The following NEK10 variants were observed in gnomAD, a reference collection of about 807,000 sequenced individuals.
NEK10 encodes the protein NIMA related kinase 10.
A neutral mutation model predicts 159.8 loss-of-function variants in NEK10; 122 were observed. The ratio of observed to expected loss-of-function variants is 0.76; its 90% confidence interval spans 0.66 to 0.89. The LOEUF (loss-of-function observed/expected upper bound fraction) is 0.89. Among genes scored for constraint, NEK10 ranks in the 40% least tolerant of loss-of-function variants. The pLI is 0.00. For synonymous variants in NEK10, 466 were observed against 457.1 expected, an observed-to-expected ratio of 1.02 and a Z score of -0.25; for missense variants, 1,342 against 1,323.1, an observed-to-expected ratio of 1.01 and a Z score of -0.22.
chr3:27,291,962 C>T (rs1223509334), intron 16 of NEK10, among the ~76,000 whole-genome samples: 1 of 152,050 alleles, frequency 6.6e-6, no homozygotes, highest in Non-Finnish European at 1.5e-5. Flanking sequence ...CTTTTGAATG[C>T]AGCTCACTCA....
intron 26 of NEK10, among the ~76,000 whole-genome samples, chr3:27,180,498 A>G (rs1947973755): frequency 6.6e-6 from 1 of 152,124 alleles, no homozygotes; most frequent in African/African-American, 2.4e-5. Context: ...CAAGTGGGCA[A>G]GTTTTAAGAA....
At chr3:27,224,833 C>A (rs959307388) in intron 23 of NEK10, among the ~76,000 whole-genome samples, 4 of 152,214 alleles carry the variant, frequency 2.6e-5, no homozygotes, top group Middle Eastern at 3.4e-3. Context: ...CTCATAGGAC[C>A]ACCAAAAGTA....
At chr3:27,141,747 A>G (rs1943805641) in intron 30 of NEK10, among the ~76,000 whole-genome samples, 165 bp from the exon 31 acceptor site, 1 of 152,202 alleles carries the variant, frequency 6.6e-6, no homozygotes, top group Non-Finnish European at 1.5e-5. Flanking sequence ...GACATGGAAT[A>G]AAAAATATCT....
In NEK10 at chr3:27,116,010, A is replaced by C; in HGVS notation, c.3244-15T>G. The C allele has an allele frequency of 6.2e-7, 1 of 1,612,988 alleles. No individual in the cohort carries two copies. Among genetic ancestry groups the C allele is most frequent in the Non-Finnish European group, 8.5e-7 (1 of 1,179,250 alleles). On this transcript the variant is annotated splice_polypyrimidine_tract_variant and intron_variant, in intron 34 of 35. Transcript: ENST00000691995. ...TCAATCACAGTCTAAAATTTTAAAA[A>C]TCAGGTTAGTATTGAATTAGAAGTA...
intron 23 of NEK10, among the ~76,000 whole-genome samples, chr3:27,224,650 C>T (rs1952439983): frequency 6.6e-6 from 1 of 152,158 alleles, no homozygotes; most frequent in Non-Finnish European, 1.5e-5. Context: ...GTCCTTCCTT[C>T]CCTTCTTTGT....
rs1045766001 is a variant in NEK10, at chr3:27,177,542, T to A, written c.2506-2709A>T. ...CCTGGGTGACAGAGCAAGACTCTTG[T>A]CTCAAAAAAAAAAATATATATATAT... On this transcript the variant is annotated intron_variant, in intron 26 of 35. Transcript: ENST00000691995. 2.3e-3 allele frequency among the ~76,000 whole-genome samples: 273 copies of A among 119,186 alleles called. 1 individual carries two copies. The highest frequency in any genetic ancestry group is 0.01 in the African/African-American group (241 of 24,098). 78.2% of individuals were successfully genotyped at this position (119,186 alleles called of 152,430 possible).
intron 23 of NEK10, among the ~76,000 whole-genome samples, chr3:27,254,771 T>C (rs1339681167): frequency 1.4e-4 from 22 of 152,308 alleles, no homozygotes. Context: ...TAATAGCTTA[T>C]CTATATGAGT....
rs1022561179 is a variant in NEK10, at chr3:27,303,378, C to A, written c.1028+1369G>T. ...TTTTATCCTTATGAAAATAGCTGTT[C>A]TCCAAGAGGGCAACCCATACCTATT... On this transcript the variant is annotated intron_variant, in intron 12 of 35. Transcript: ENST00000691995. Among the ~76,000 whole-genome samples, 17 of 152,194 alleles carry A rather than the reference C, an allele frequency of 1.1e-4. 1 individual carries two copies. The East Asian group carries it at 3.3e-3, about 29-fold the overall frequency.
At chr3:27,242,038 C>G (rs1395439571) in intron 23 of NEK10, among the ~76,000 whole-genome samples, 3 of 152,160 alleles carry the variant, frequency 2.0e-5, no homozygotes, top group African/African-American at 7.2e-5. Context: ...AATGGTTAAA[C>G]TTGAATCAAG....
intron 5 of NEK10, among the ~76,000 whole-genome samples, chr3:27,338,315 T>G (rs1404611244): frequency 6.6e-6 from 1 of 152,246 alleles, no homozygotes; most frequent in Non-Finnish European, 1.5e-5. Flanking sequence ...ATGTGCCACA[T>G]TTTCTTTACC....
At chr3:27,342,813 T>TA (rs34235528) in intron 5 of NEK10, among the ~76,000 whole-genome samples, 34,261 of 147,784 alleles carry the variant, frequency 0.23, 4,171 homozygotes, top group Middle Eastern at 0.37. Context: ...GAGCTGGCTT[T>TA]AAAAAAAAAA....
chr3:27,170,092 G>A (rs973451733), intron 29 of NEK10, among the ~76,000 whole-genome samples: 2 of 152,218 alleles, frequency 1.3e-5, no homozygotes, highest in East Asian at 1.9e-4. Flanking sequence ...CCACAATGAC[G>A]TCTAAAGAAC....
At chr3:27,171,896 AC>A in intron 28 of NEK10, 23 bp from the exon 29 acceptor site, 1 of 1,604,180 alleles carries the variant, frequency 6.2e-7, no homozygotes, top group Non-Finnish European at 8.5e-7. Flanking sequence ...AATAGAAATA[AC>A]TTTACATTAT....
Position 27,110,304 on chromosome 3 carries a change from T to C in NEK10, c.*968A>G, listed in dbSNP as rs1939387000. 1 of 152,130 alleles carries C rather than the reference T, an allele frequency of 6.6e-6. No individual in the cohort carries two copies. Among genetic ancestry groups the C allele is most frequent in the Non-Finnish European group, 1.5e-5 (1 of 68,026 alleles). 9.4% of individuals were successfully genotyped at this position (152,130 alleles called of 1,614,324 possible). The stretch of plus-strand genomic sequence containing the variant: ...TCCCGGCATAAAGGATGATACACAG[T>C]TTGGCATTCTGATTTCACTTCCACT... On this transcript the variant is annotated 3_prime_UTR_variant, in exon 36 of 36. Transcript: ENST00000691995.
intron 22 of NEK10, among the ~76,000 whole-genome samples, chr3:27,283,467 G>A (rs894267180): frequency 2.0e-5 from 3 of 152,158 alleles, no homozygotes; most frequent in Non-Finnish European, 2.9e-5. Context: ...ATAAGCCTAT[G>A]TATATTGGCA....
intron 5 of NEK10, among the ~76,000 whole-genome samples, chr3:27,331,262 A>AAAAACAC: frequency 9.1e-6 from 1 of 110,082 alleles, no homozygotes; most frequent in Non-Finnish European, 2.0e-5. Flanking sequence ...AAAAAAAAAA[A>AAAAACAC]ACACACAAAC....
At chr3:27,258,306 G>A (rs994847560) in intron 22 of NEK10, among the ~76,000 whole-genome samples, 1 of 151,758 alleles carries the variant, frequency 6.6e-6, no homozygotes. Flanking sequence ...TGCCATGTTG[G>A]TGTGCTGCAC....
At chr3:27,231,962 G>A (rs368954284) in intron 23 of NEK10, among the ~76,000 whole-genome samples, 3 of 151,940 alleles carry the variant, frequency 2.0e-5, no homozygotes, top group South Asian at 4.1e-4. Context: ...TAGAGAGAGA[G>A]GGAATCATCC....
intron 23 of NEK10, among the ~76,000 whole-genome samples, chr3:27,227,521 G>T (rs529082962): frequency 2.0e-5 from 3 of 152,208 alleles, no homozygotes; most frequent in Non-Finnish European, 4.4e-5. Flanking sequence ...GGCACATATT[G>T]ACTTCCCATT....
Sources: allele counts gnomAD v4.1 joint callset (sites outside exome capture counted in the v4.1 genomes callset), GRCh38; gene constraint gnomAD v4.1.1; transcripts MANE v1.5; gene names NCBI Gene and HGNC (gene_info 2026-07-23, HGNC 2026-07-21).